Variants in PCSK6 observed in about 807,000 individuals in gnomAD.
PCSK6 encodes paired basic amino acid cleaving enzyme 4.
Under a neutral mutation model 123.3 loss-of-function variants are expected in PCSK6, and 85 were observed. The observed-to-expected ratio is 0.69, with a 90% CI of 0.58 to 0.83. The LOEUF is 0.83. PCSK6 is among the 40% of genes least tolerant of loss of function. The pLI, the probability that PCSK6 is intolerant of heterozygous loss-of-function variation, is 0.00. For synonymous variants in PCSK6, 508 were observed against 516.0 expected (o/e 0.98, Z 0.21); for missense variants, 1,191 against 1,282.3 (o/e 0.93, Z 1.09).
intron 11 of PCSK6, among the ~76,000 whole-genome samples, chr15:101,374,412 C>T (rs890503086): frequency 1.3e-5 from 2 of 152,212 alleles, no homozygotes; most frequent in Non-Finnish European, 2.9e-5. Flanking sequence ...CTCCACTTTT[C>T]CTGTTCTACC....
intron 6 of PCSK6, among the ~76,000 whole-genome samples, chr15:101,417,377 G>A (rs4965856): frequency 1.3e-5 from 2 of 151,888 alleles, no homozygotes; most frequent in Non-Finnish European, 2.9e-5. Flanking sequence ...AAAACTGAAC[G>A]TGTATTAGGA....
intron 16 of PCSK6, among the ~76,000 whole-genome samples, chr15:101,325,339 T>C (rs1281425447): frequency 6.6e-6 from 1 of 152,210 alleles, no homozygotes; most frequent in Non-Finnish European, 1.5e-5. Flanking sequence ...TTTGGAACTG[T>C]CGGCTCTGGC....
At chr15:101,471,417 G>A (rs1028769957) in intron 1 of PCSK6, among the ~76,000 whole-genome samples, 1 of 152,184 alleles carries the variant, frequency 6.6e-6, no homozygotes, top group African/African-American at 2.4e-5. Context: ...TGAATGAATT[G>A]TATGGCAGAC....
At chr15:101,362,980 CG>C (rs1426850774) in intron 13 of PCSK6, among the ~76,000 whole-genome samples, 1 of 152,048 alleles carries the variant, frequency 6.6e-6, no homozygotes, top group East Asian at 1.9e-4. Flanking sequence ...TGACGAGCCC[CG>C]GTATTTTGTG....
chr15:101,388,563 A>C (rs1463554514), intron 9 of PCSK6, among the ~76,000 whole-genome samples: 1 of 152,240 alleles, frequency 6.6e-6, no homozygotes, highest in East Asian at 1.9e-4. Flanking sequence ...CCTAAAAGGA[A>C]GCCAGCGCAA....
intron 11 of PCSK6, among the ~76,000 whole-genome samples, chr15:101,375,066 C>T (rs2041695081): frequency 6.6e-6 from 1 of 152,058 alleles, no homozygotes; most frequent in African/African-American, 2.4e-5. Context: ...AATTCTCCCG[C>T]CTCAGACTCC....
chr15:101,344,317 G>A (rs2040684434), intron 13 of PCSK6, among the ~76,000 whole-genome samples: 1 of 152,134 alleles, frequency 6.6e-6, no homozygotes, highest in African/African-American at 2.4e-5. Flanking sequence ...TTTTAAGGCT[G>A]TGTTATAAAT....
chr15:101,481,800 G>T (rs2057893315), intron 1 of PCSK6, among the ~76,000 whole-genome samples: 1 of 152,252 alleles, frequency 6.6e-6, no homozygotes, highest in Admixed American at 6.5e-5. Flanking sequence ...GCTGATAAAT[G>T]TGCAGCTTGA....
In PCSK6 at chr15:101,366,443, A is replaced by AC. The variant is rs939963916; in HGVS notation, c.1722-112dup. The AC allele has an allele frequency of 5.3e-6, 6 of 1,140,498 alleles. No homozygotes were observed. The African/African-American group carries it at 9.5e-5, about 18-fold the overall frequency. The allele number at this position is 1,140,498 out of a possible 1,614,324, so 70.6% of individuals were successfully genotyped here. A position where few individuals can be genotyped will look rare whatever the true frequency, so the allele number is the denominator to read the frequency against. The stretch of plus-strand genomic sequence containing the variant: ...GGACTGTATGACCTGGCTGGACCGT[A>AC]CCCCCAGGGTAGCGGGGGTCTGGCC... On this transcript the variant is annotated intron_variant, in intron 12 of 21. Transcript: ENST00000611716.
At chr15:101,406,815 G>C (rs776740231) in intron 6 of PCSK6, among the ~76,000 whole-genome samples, 4 of 152,076 alleles carry the variant, frequency 2.6e-5, no homozygotes, top group Non-Finnish European at 1.5e-5. Context: ...CCTGCTTCCT[G>C]TTCTGTTCCT....
chr15:101,428,068 G>T, intron 5 of PCSK6, 88 bp from the exon 6 acceptor site: 1 of 1,086,020 alleles, frequency 9.2e-7, no homozygotes, highest in Non-Finnish European at 1.4e-6. Flanking sequence ...CAACAAGAGA[G>T]TCAGTTGTCC....
At position 101,489,478 on chromosome 15, in the gene PCSK6, G is replaced by A; in HGVS notation, c.193C>T (p.Pro65Ser). The change falls in exon 1 of 22, where the codon CCG (proline) becomes TCG (serine). Residue 65 changes from proline to serine, a missense_variant. By Grantham distance (74) the Pro-to-Ser change is moderately conservative (BLOSUM62 -1). Around this residue, in one of 3 missense-constraint regions of PCSK6, gnomAD observed 204 missense variants for 166.4 expected, o/e 1.23. Coordinates refer to ENST00000611716, the MANE Select transcript of PCSK6 (RefSeq NM_002570.5). ...LALPAACSAPPPRPVYTNHWA... is the reference protein window; with the variant it reads ...LALPAACSAPSPRPVYTNHWA... ...TGGTTGGTGTAGACGGGGCGCGGCG[G>A]GGGCGCGGAGCAGGCGGCAGGCAGC... is the stretch of plus-strand genomic sequence containing the variant. 9.1e-7 allele frequency: 1 copy of A among 1,092,918 alleles called. No homozygotes were observed. Among genetic ancestry groups the A allele is most frequent in the Non-Finnish European group, 1.1e-6 (1 of 899,688 alleles). 67.7% of individuals were successfully genotyped at this position (1,092,918 alleles called of 1,614,324 possible). A position where few individuals can be genotyped will look rare whatever the true frequency, so the allele number is the denominator to read the frequency against.
chr15:101,309,927 C>T (rs979749149), intron 20 of PCSK6, among the ~76,000 whole-genome samples: 17 of 152,160 alleles, frequency 1.1e-4, no homozygotes, highest in African/African-American at 3.6e-4. Flanking sequence ...TTCTCAGCGT[C>T]GGGCCTCGGC....
At chr15:101,477,972 G>A (rs2057774274) in intron 1 of PCSK6, among the ~76,000 whole-genome samples, 2 of 152,160 alleles carry the variant, frequency 1.3e-5, no homozygotes, top group African/African-American at 2.4e-5. Context: ...CATAGTACAG[G>A]AGGACTTCTT....
intron 11 of PCSK6, among the ~76,000 whole-genome samples, chr15:101,375,767 G>A (rs2041718430): frequency 6.6e-6 from 1 of 152,196 alleles, no homozygotes; most frequent in Non-Finnish European, 1.5e-5. Flanking sequence ...AGGTGTGGTG[G>A]CTCACGGCTG....
intron 1 of PCSK6, 125 bp from the exon 2 acceptor site, chr15:101,443,785 A>C: frequency 1.4e-6 from 1 of 711,840 alleles, no homozygotes; most frequent in South Asian, 1.6e-5. Context: ...CACACCCTCC[A>C]TCACCCTGCT....
chr15:101,392,355 G>A (rs374978684), intron 8 of PCSK6, among the ~76,000 whole-genome samples: 1 of 152,200 alleles, frequency 6.6e-6, no homozygotes, highest in East Asian at 1.9e-4. Context: ...TCACTGGTGC[G>A]GAGCAAAGCC....
intron 1 of PCSK6, among the ~76,000 whole-genome samples, chr15:101,468,664 C>T (rs1567244293): frequency 6.6e-6 from 1 of 152,204 alleles, no homozygotes; most frequent in Admixed American, 6.5e-5. Flanking sequence ...ATGAAGGAGA[C>T]AGCAGTTGGT....
intron 1 of PCSK6, among the ~76,000 whole-genome samples, chr15:101,476,698 G>A (rs74035514): frequency 0.017 from 2,654 of 152,224 alleles, 74 homozygotes; most frequent in African/African-American, 0.061. Flanking sequence ...ATCAGGGATC[G>A]GATGAGGGGA....
Sources: gnomAD v4.1 joint callset for allele counts (sites outside exome capture counted in the v4.1 genomes callset) on GRCh38, gnomAD v4.1.1 for gene constraint, gnomAD v4.1.1 regional missense constraint, MANE v1.5 for transcripts, NCBI Gene and HGNC (gene_info 2026-07-23, HGNC 2026-07-21) for gene names.